Variants in SLC36A1 observed in about 807,000 individuals in gnomAD.
SLC36A1 encodes proton-coupled amino acid transporter 1.
SLC36A1 carries 30 observed loss-of-function variants against 47.5 expected under a neutral mutation model. The observed-to-expected ratio is 0.63, with a 90% CI of 0.47 to 0.86. SLC36A1 has a LOEUF of 0.86. Ranked by LOEUF, SLC36A1 falls within the 40% of genes least tolerant of loss-of-function variation. SLC36A1 has a pLI of 0.00. For synonymous variants in SLC36A1, 255 were observed against 249.7 expected (o/e 1.02, Z -0.20); for missense variants, 517 against 606.0 (o/e 0.85, Z 1.54).
At chr5:151,476,935 C>A in intron 9 of SLC36A1, 179 bp downstream of exon 9, 1 of 780,630 alleles carries the variant, frequency 1.3e-6, no homozygotes, top group Non-Finnish European at 2.2e-6. Flanking sequence ...TTGGGGAATT[C>A]ATGTAGAGCC....
At chr5:151,425,688 A>T in the SLC36A1 span, among the ~76,000 whole-genome samples, 2 of 152,316 alleles carry the variant, frequency 1.3e-5, no homozygotes, top group African/African-American at 4.8e-5. Context: ...GTATTTACAA[A>T]AAATGTTATC....
At chr5:151,555,882 A>T in the SLC36A1 span, among the ~76,000 whole-genome samples, 1 of 152,140 alleles carries the variant, frequency 6.6e-6, no homozygotes, top group Non-Finnish European at 1.5e-5. Context: ...TAGGTCACTA[A>T]CCAAAGCCTT....
the SLC36A1 span, among the ~76,000 whole-genome samples, chr5:151,373,778 G>T: frequency 6.6e-6 from 1 of 152,102 alleles, no homozygotes; most frequent in Non-Finnish European, 1.5e-5. Flanking sequence ...TTGCTCTGTT[G>T]CTCAGGAGAG....
chr5:151,447,974 C>T (rs1753076145), intron 1 of SLC36A1, 161 bp downstream of exon 1: 1 of 152,334 alleles, frequency 6.6e-6, no homozygotes, highest in East Asian at 1.9e-4. Flanking sequence ...TGGGATCTCA[C>T]CGTCCTGTTT....
At chr5:151,540,903 A>AG in the SLC36A1 span, 2 of 671,998 alleles carry the variant, frequency 3.0e-6, no homozygotes, top group Admixed American at 3.2e-5. Flanking sequence ...GGAACCCACG[A>AG]TTCTACACTG....
chr5:151,432,434 T>C (rs1480089377), upstream of SLC36A1, among the ~76,000 whole-genome samples: 5 of 152,150 alleles, frequency 3.3e-5, no homozygotes. Context: ...TTTGCAGGCC[T>C]CTGAGAGAAG....
At chr5:151,457,502 AT>A (rs1187102005) in intron 1 of SLC36A1, among the ~76,000 whole-genome samples, 6 of 152,074 alleles carry the variant, frequency 3.9e-5, no homozygotes, top group Admixed American at 3.9e-4. Context: ...TTGAAAGGAC[AT>A]TTTTTTCTCT....
the SLC36A1 span, among the ~76,000 whole-genome samples, chr5:151,530,918 T>A: frequency 3.3e-5 from 5 of 152,126 alleles, no homozygotes; most frequent in African/African-American, 7.2e-5. Flanking sequence ...TGGTAAATTT[T>A]AAAAAATATT....
At chr5:151,389,054 A>G in the SLC36A1 span, among the ~76,000 whole-genome samples, 1 of 152,184 alleles carries the variant, frequency 6.6e-6, no homozygotes, top group African/African-American at 2.4e-5. Flanking sequence ...GCCTTTAATC[A>G]TATCTCATCG....
At chr5:151,543,425 A>C in the SLC36A1 span, 1 of 1,614,102 alleles carries the variant, frequency 6.2e-7, no homozygotes, top group South Asian at 1.1e-5. Context: ...ACCGTGCAGA[A>C]GGCTACTCTT....
At chr5:151,399,082 ATATTTT>A in the SLC36A1 span, among the ~76,000 whole-genome samples, 6 of 89,090 alleles carry the variant, frequency 6.7e-5, no homozygotes, top group African/African-American at 2.4e-4. Context: ...ATATATATAT[ATATTTT>A]TTTTTTTTTT....
the SLC36A1 span, among the ~76,000 whole-genome samples, chr5:151,399,134 T>A: frequency 7.1e-6 from 1 of 140,628 alleles, no homozygotes; most frequent in East Asian, 2.1e-4. Flanking sequence ...TCACCCAAGC[T>A]GAAGTGCAGT....
At chr5:151,509,733 A>G in the SLC36A1 span, 6 of 307,828 alleles carry the variant, frequency 1.9e-5, no homozygotes, top group East Asian at 3.7e-4. Context: ...ATTATATATT[A>G]CAATGTAATA....
the SLC36A1 span, chr5:151,347,487 G>GGT: frequency 1.2e-6 from 2 of 1,612,664 alleles, no homozygotes; most frequent in South Asian, 2.2e-5. Flanking sequence ...AGGAGCTCGG[G>GGT]GTGACAAAGA....
chr5:151,535,890 T>G, the SLC36A1 span, among the ~76,000 whole-genome samples: 1 of 152,210 alleles, frequency 6.6e-6, no homozygotes, highest in Non-Finnish European at 1.5e-5. Context: ...CACAGAAGTC[T>G]TCTTTGCTGA....
chr5:151,500,856 T>G, the SLC36A1 span, among the ~76,000 whole-genome samples: 1 of 152,276 alleles, frequency 6.6e-6, no homozygotes, highest in African/African-American at 2.4e-5. Flanking sequence ...CTGAAAACCT[T>G]TAGGCCTCCC....
chr5:151,401,917 T>C, the SLC36A1 span, among the ~76,000 whole-genome samples: 1 of 152,334 alleles, frequency 6.6e-6, no homozygotes, highest in Non-Finnish European at 1.5e-5. Context: ...TTTCTATGTG[T>C]AGAATCATAT....
At chr5:151,448,363 A>G (rs894377961) in intron 1 of SLC36A1, among the ~76,000 whole-genome samples, 3 of 152,220 alleles carry the variant, frequency 2.0e-5, no homozygotes, top group African/African-American at 7.2e-5. Flanking sequence ...CACCTGTGAA[A>G]AGGCACTCCT....
the SLC36A1 span, chr5:151,381,022 G>A: frequency 1.5e-5 from 6 of 400,588 alleles, no homozygotes; most frequent in African/African-American, 1.3e-4. Context: ...ATGCTCTCTT[G>A]TTGAAGAGGC....
Sources: allele counts gnomAD v4.1 joint callset (sites outside exome capture counted in the v4.1 genomes callset), GRCh38; gene constraint gnomAD v4.1.1; transcripts MANE v1.5; gene names NCBI Gene and HGNC (gene_info 2026-07-23, HGNC 2026-07-21).